COL27A1: variants seen among roughly 807,000 people sequenced by gnomAD.
The protein encoded by COL27A1 is collagen type XXVII alpha 1 chain.
A neutral mutation model predicts 251.3 loss-of-function variants in COL27A1; 106 were observed. The observed-to-expected ratio is 0.42, with a 90% CI of 0.36 to 0.50. COL27A1 has a LOEUF of 0.50. COL27A1 is among the 20% of genes least tolerant of loss of function. The probability of loss-of-function intolerance (pLI) is 0.00; values close to 1 mark genes in which losing one functional copy is unlikely to be tolerated. For synonymous variants in COL27A1, 1,000 were observed against 986.3 expected, an observed-to-expected ratio of 1.01 and a Z score of -0.26; for missense variants, 2,325 against 2,522.8, an observed-to-expected ratio of 0.92 and a Z score of 1.68.
chr9:114,217,925 G>A (rs1316887236), intron 12 of COL27A1: 9 of 429,568 alleles, frequency 2.1e-5, no homozygotes, highest in Non-Finnish European at 2.8e-5. Context: ...ACCAGCTTGG[G>A]CAACATGGAG....
intron 6 of COL27A1, among the ~76,000 whole-genome samples, chr9:114,195,396 C>T (rs184759335): frequency 4.6e-5 from 7 of 152,238 alleles, no homozygotes; most frequent in South Asian, 2.1e-4. Flanking sequence ...CCAGGACAGA[C>T]GGGCCCAGCT....
chr9:114,181,603 G>A (rs549386988), intron 4 of COL27A1, among the ~76,000 whole-genome samples: 2 of 152,270 alleles, frequency 1.3e-5, no homozygotes, highest in African/African-American at 4.8e-5. Flanking sequence ...CACCTCCTAT[G>A]CCCCAGATTA....
At chr9:114,219,653 C>T in intron 12 of COL27A1, 138 bp from the exon 13 acceptor site, 2 of 655,792 alleles carry the variant, frequency 3.0e-6, no homozygotes, top group Middle Eastern at 3.9e-4. Flanking sequence ...GACCTCAGGA[C>T]CGCACTGTCT....
At chr9:114,281,479 C>G (rs1588863209) in intron 37 of COL27A1, among the ~76,000 whole-genome samples, 3 of 152,214 alleles carry the variant, frequency 2.0e-5, no homozygotes, top group Admixed American at 6.5e-5. Context: ...GCAGAGTGGC[C>G]TGTCAGAGGG....
intron 41 of COL27A1, 46 bp from the exon 42 acceptor site, chr9:114,288,409 C>T: frequency 1.3e-6 from 2 of 1,589,110 alleles, no homozygotes; most frequent in Non-Finnish European, 1.7e-6. Context: ...TCCCCACATT[C>T]CCCAGGAGCA....
chr9:114,210,446 G>C (rs1332450255), intron 11 of COL27A1, among the ~76,000 whole-genome samples: 1 of 152,196 alleles, frequency 6.6e-6, no homozygotes, highest in South Asian at 2.1e-4. Flanking sequence ...CCAGCAGCCA[G>C]GGGGAGCGGC....
chr9:114,292,106 G>A lies in COL27A1; in HGVS notation c.4480G>A (p.Glu1494Lys), dbSNP rs1192662659. The A allele has an allele frequency of 9.0e-6, 14 of 1,556,018 alleles. 1 individual carries two copies. The highest frequency in any genetic ancestry group is 2.4e-5 in the East Asian group (1 of 41,230). Residue 1494 changes from glutamate to lysine, a missense_variant, in exon 49 of 61, where the codon GAG becomes AAG. Glu to Lys is a moderately conservative substitution (Grantham distance 56, BLOSUM62 1). Around this residue, in one of 4 missense-constraint regions of COL27A1, gnomAD observed 153 missense variants for 140.7 expected, o/e 1.09. Coordinates refer to ENST00000356083, the MANE Select transcript of COL27A1 (RefSeq NM_032888.4). ...ATTTTTTGTGTGTTTCTTTAAGGGTGAGAGTGGGTTACCCGGACAGCTGGG... is the reference window on the plus strand; with the variant it reads ...ATTTTTTGTGTGTTTCTTTAAGGGTAAGAGTGGGTTACCCGGACAGCTGGG... ...GAQGPPGFKG[E>K]SGLPGQLGPP...
At chr9:114,310,367 G>T (rs1829363087) in intron 60 of COL27A1, among the ~76,000 whole-genome samples, 182 bp from the exon 61 acceptor site, 1 of 152,130 alleles carries the variant, frequency 6.6e-6, no homozygotes, top group Non-Finnish European at 1.5e-5. Context: ...TGATGTTCAT[G>T]ACAGCATTCC....
chr9:114,180,985 G>A (rs1313430018), intron 4 of COL27A1, among the ~76,000 whole-genome samples: 1 of 152,168 alleles, frequency 6.6e-6, no homozygotes, highest in Non-Finnish European at 1.5e-5. Context: ...GGCTCTGGTG[G>A]AACTGGGTGT....
rs1257627716 is a variant in COL27A1, at chr9:114,168,815, T to C, written c.1260T>C (p.Arg420=). 3 of 1,613,584 alleles carry C rather than the reference T, an allele frequency of 1.9e-6. No individual in the cohort carries two copies. Among genetic ancestry groups the C allele is most frequent in the Admixed American group, 3.3e-5 (2 of 59,974 alleles). ...TSRPVPARVS[R]PAEKPIQRNP... is the part of the protein sequence containing the mutation. ...GTCCAGTTCCTGCCAGAGTCTCCCG[T>C]CCCGCAGAGAAGCCCATCCAGAGGA... The change falls in exon 3 of 61, where the codon CGT becomes CGC. Residue 420 remains arginine, a synonymous_variant. Transcript: ENST00000356083.
At chr9:114,158,028 A>T (rs113744403) in intron 1 of COL27A1, among the ~76,000 whole-genome samples, 1 of 152,154 alleles carries the variant, frequency 6.6e-6, no homozygotes, top group Non-Finnish European at 1.5e-5. Context: ...TCTCCAGACG[A>T]TGACCTGTCT....
At chr9:114,154,152 G>T (rs1213788390), upstream of COL27A1, among the ~76,000 whole-genome samples, 2 of 152,038 alleles carry the variant, frequency 1.3e-5, no homozygotes, top group African/African-American at 4.8e-5. This position sits in a 1 kb window ranked among gnomAD's most constrained non-coding sequence, Gnocchi z 5.8. Flanking sequence ...CGTGGACGCA[G>T]AGCTGCCGAA....
At chr9:114,186,645 C>G (rs1368266385) in intron 5 of COL27A1, among the ~76,000 whole-genome samples, 1 of 152,136 alleles carries the variant, frequency 6.6e-6, no homozygotes, top group Non-Finnish European at 1.5e-5. Flanking sequence ...CTGGAGGAGG[C>G]TGGTGAGGGC....
At chr9:114,209,808 G>T in intron 11 of COL27A1, 80 bp downstream of exon 11, 1 of 1,376,640 alleles carries the variant, frequency 7.3e-7, no homozygotes, top group Non-Finnish European at 1.0e-6. Flanking sequence ...CACCAGCCTG[G>T]GGAAGTCAAG....
chr9:114,158,058 G>A (rs1405597578), intron 1 of COL27A1, among the ~76,000 whole-genome samples: 1 of 152,186 alleles, frequency 6.6e-6, no homozygotes, highest in Non-Finnish European at 1.5e-5. Flanking sequence ...TGGAGGACGT[G>A]GAAGCTGTGA....
intron 13 of COL27A1, among the ~76,000 whole-genome samples, chr9:114,221,017 C>T (rs917648727): frequency 6.9e-6 from 1 of 145,346 alleles, no homozygotes; most frequent in African/African-American, 2.5e-5. Flanking sequence ...AAAAAAGAAG[C>T]CGTTGTGAGA....
At chr9:114,178,264 A>G in intron 3 of COL27A1, 27 bp from the exon 4 acceptor site, 1 of 1,606,088 alleles carries the variant, frequency 6.2e-7, no homozygotes, top group Non-Finnish European at 8.5e-7. Flanking sequence ...GGCACTGTCT[A>G]ATGCTGTCTT....
intron 28 of COL27A1, among the ~76,000 whole-genome samples, chr9:114,260,548 G>A (rs1400133282): frequency 3.3e-5 from 5 of 152,180 alleles, no homozygotes; most frequent in Admixed American, 2.6e-4. Flanking sequence ...TGTGCCACGG[G>A]GAATGGGCCT....
At chr9:114,178,926 A>G (rs1483352434) in intron 4 of COL27A1, among the ~76,000 whole-genome samples, 1 of 152,098 alleles carries the variant, frequency 6.6e-6, no homozygotes, top group Non-Finnish European at 1.5e-5. Context: ...TGCCCACCCC[A>G]AGTTCCCATG....
Sources: allele counts gnomAD v4.1 joint callset (sites outside exome capture counted in the v4.1 genomes callset), GRCh38; gene constraint gnomAD v4.1.1; regional missense constraint gnomAD v4.1.1; non-coding constraint Gnocchi (gnomAD v3.1); transcripts MANE v1.5; gene names NCBI Gene and HGNC (gene_info 2026-07-23, HGNC 2026-07-21).